The following PDE10A variants were observed in gnomAD, a reference collection of about 807,000 sequenced individuals.
PDE10A encodes the protein phosphodiesterase 10A, also known as cAMP and cAMP-inhibited cGMP 3',5'-cyclic phosphodiesterase 10A.
Under a neutral mutation model 97.7 loss-of-function variants are expected in PDE10A, and 39 were observed. That is an observed-to-expected ratio of 0.40 (90% confidence interval 0.31 to 0.52). The LOEUF (loss-of-function observed/expected upper bound fraction) is 0.52, where lower values mean the gene tolerates loss of function less well. Among genes scored for constraint, PDE10A ranks in the 20% least tolerant of loss-of-function variants. The pLI is 0.56. For missense variants in PDE10A, 731 were observed against 1,047.8 expected (o/e 0.70, Z 4.17); for synonymous variants, 371 against 376.8 (o/e 0.98, Z 0.18).
intron 1 of PDE10A, among the ~76,000 whole-genome samples, chr6:165,918,686 A>T (rs1014192657): frequency 6.6e-6 from 1 of 152,198 alleles, no homozygotes; most frequent in African/African-American, 2.4e-5. Context: ...AAATTTGGCT[A>T]TGTTTTCAGA....
intron 1 of PDE10A, among the ~76,000 whole-genome samples, chr6:165,774,268 G>A (rs74825407): frequency 1.6e-4 from 25 of 152,026 alleles, no homozygotes; most frequent in Admixed American, 8.5e-4. Flanking sequence ...TCTGAAAATG[G>A]CTATTAAATA....
intron 1 of PDE10A, among the ~76,000 whole-genome samples, chr6:165,882,359 T>C (rs1241852091): frequency 6.6e-6 from 1 of 152,226 alleles, no homozygotes; most frequent in Non-Finnish European, 1.5e-5. Context: ...TAGCATGATA[T>C]TGGTGTTGTA....
rs553037858 is a variant in PDE10A at position 165,755,169 on chromosome 6, G to A, written c.-614-211601C>T. Among the ~76,000 whole-genome samples the A allele has an allele frequency of 2.6e-4, 39 of 152,270 alleles. No individual in the cohort carries two copies. In the South Asian group the frequency reaches 7.7e-3, roughly 30 times the overall value. ...TGGAATTGGCACCTAGCAGCCCCAG[G>A]ATGGCCTGCGACCAGAGGAGCATCA... On this transcript the variant is annotated intron_variant, in intron 1 of 19. Coordinates refer to the PDE10A transcript ENST00000366882.
At chr6:165,973,536 T>G (rs533809116) in intron 1 of PDE10A, among the ~76,000 whole-genome samples, 2 of 151,576 alleles carry the variant, frequency 1.3e-5, no homozygotes, top group East Asian at 3.9e-4. Context: ...GACTAAGGAA[T>G]GTATTACATT....
intron 18 of PDE10A, among the ~76,000 whole-genome samples, chr6:165,372,839 C>T (rs1453770388): frequency 6.6e-6 from 1 of 150,586 alleles, no homozygotes; most frequent in Admixed American, 6.6e-5. Flanking sequence ...TACTACAAGG[C>T]TACAGTAACC....
intron 1 of PDE10A, among the ~76,000 whole-genome samples, chr6:165,550,709 T>C (rs775374779): frequency 6.6e-5 from 10 of 152,228 alleles, no homozygotes; most frequent in Non-Finnish European, 1.5e-4. Context: ...CTAGAATTAA[T>C]AATTGAGGAA....
chr6:165,603,084 T>C (rs1234468017), intron 1 of PDE10A, among the ~76,000 whole-genome samples: 1 of 152,128 alleles, frequency 6.6e-6, no homozygotes, highest in Non-Finnish European at 1.5e-5. Context: ...GCAAAAGTAG[T>C]TACTAATGAT....
chr6:165,844,992 A>G (rs891037472), intron 1 of PDE10A, among the ~76,000 whole-genome samples: 6 of 152,258 alleles, frequency 3.9e-5, no homozygotes. Flanking sequence ...TTATGGAAGT[A>G]TCTGCCATTA....
At chr6:165,410,076 A>G (rs1327418532) in intron 13 of PDE10A, among the ~76,000 whole-genome samples, 1 of 152,162 alleles carries the variant, frequency 6.6e-6, no homozygotes, top group African/African-American at 2.4e-5. Flanking sequence ...ATCAATTTCC[A>G]TATTCTTAAC....
chr6:165,524,503 A>T (rs1010634570), intron 2 of PDE10A, among the ~76,000 whole-genome samples: 4 of 152,206 alleles, frequency 2.6e-5, no homozygotes, highest in African/African-American at 7.2e-5. Context: ...GACTCTATAC[A>T]TAATACCTTT....
intron 1 of PDE10A, among the ~76,000 whole-genome samples, chr6:165,808,054 C>T (rs1278312765): frequency 1.3e-5 from 2 of 152,116 alleles, no homozygotes; most frequent in Non-Finnish European, 2.9e-5. Context: ...GGTGTGCAGC[C>T]GAATTTCTAC....
intron 3 of PDE10A, among the ~76,000 whole-genome samples, 163 bp downstream of exon 3, chr6:165,482,152 T>C (rs73786610): frequency 8.3e-4 from 126 of 152,316 alleles, no homozygotes; most frequent in African/African-American, 3.0e-3. Context: ...ATTTGCACCC[T>C]CTCTACTGAC....
At chr6:165,743,034 A>T (rs1173297802) in intron 1 of PDE10A, among the ~76,000 whole-genome samples, 3 of 152,162 alleles carry the variant, frequency 2.0e-5, no homozygotes, top group Admixed American at 2.0e-4. Context: ...GGCTCTTCCC[A>T]GGCAAGAGTG....
At chr6:165,552,112 C>T (rs1784048033) in intron 1 of PDE10A, among the ~76,000 whole-genome samples, 1 of 152,166 alleles carries the variant, frequency 6.6e-6, no homozygotes, top group Non-Finnish European at 1.5e-5. Context: ...CCACTCACTG[C>T]ACTATACTCT....
At chr6:165,780,097 G>C (rs141783613) in intron 1 of PDE10A, among the ~76,000 whole-genome samples, 15 of 152,060 alleles carry the variant, frequency 9.9e-5, no homozygotes, top group African/African-American at 3.6e-4. Flanking sequence ...GTATCTTTAA[G>C]TGGTACAAGT....
chr6:165,531,966 T>C (rs190635456), intron 2 of PDE10A, among the ~76,000 whole-genome samples: 1 of 152,312 alleles, frequency 6.6e-6, no homozygotes. Flanking sequence ...CCTCATAGCA[T>C]ACCACATCAA....
chr6:165,494,459 G>A (rs1684309035), intron 2 of PDE10A, among the ~76,000 whole-genome samples: 1 of 148,936 alleles, frequency 6.7e-6, no homozygotes, highest in African/African-American at 2.5e-5. Context: ...AAAATGTGGG[G>A]GGGGGTGTGT....
intron 1 of PDE10A, among the ~76,000 whole-genome samples, chr6:165,622,273 A>AGTGTGT (rs113616610): frequency 8.1e-4 from 121 of 148,938 alleles, no homozygotes; most frequent in African/African-American, 2.5e-3. Context: ...TGTGTTTGTG[A>AGTGTGT]GTGTGTGTGT....
intron 1 of PDE10A, among the ~76,000 whole-genome samples, chr6:165,904,661 A>G (rs1284063573): frequency 6.6e-6 from 1 of 152,214 alleles, no homozygotes; most frequent in Non-Finnish European, 1.5e-5. Flanking sequence ...AAACAAACAA[A>G]TGTAAACATA....
Sources: allele counts gnomAD v4.1 joint callset (sites outside exome capture counted in the v4.1 genomes callset), GRCh38; gene constraint gnomAD v4.1.1; transcripts MANE v1.5; gene names NCBI Gene and HGNC (gene_info 2026-07-23, HGNC 2026-07-21).